GATB: variants seen among roughly 807,000 people sequenced by gnomAD.
The protein encoded by GATB is glutamyl-tRNA(Gln) amidotransferase subunit B, mitochondrial.
GATB carries 39 observed loss-of-function variants against 62.3 expected under a neutral mutation model. The observed-to-expected ratio is 0.63, with a 90% confidence interval of 0.48 to 0.82. GATB has a LOEUF of 0.82. GATB is among the 40% of genes least tolerant of loss of function. The pLI is 0.00. For missense variants in GATB, 670 were observed against 684.0 expected, an observed-to-expected ratio of 0.98 and a Z score of 0.23; for synonymous variants, 276 against 258.9, an observed-to-expected ratio of 1.07 and a Z score of -0.63.
At chr4:151,754,415 T>C (rs1276401244) in intron 2 of GATB, among the ~76,000 whole-genome samples, 1 of 152,182 alleles carries the variant, frequency 6.6e-6, no homozygotes, top group East Asian at 1.9e-4. Flanking sequence ...ACGACTAACA[T>C]GTTTATTAAA....
chr4:151,733,785 T>C (rs929428499), intron 2 of GATB, among the ~76,000 whole-genome samples: 8 of 152,158 alleles, frequency 5.3e-5, no homozygotes, highest in African/African-American at 1.7e-4. Context: ...GGATGCAGAA[T>C]TGGTTTAACA....
At chr4:151,708,619 G>A (rs1738761446) in intron 5 of GATB, among the ~76,000 whole-genome samples, 1 of 152,232 alleles carries the variant, frequency 6.6e-6, no homozygotes, top group Non-Finnish European at 1.5e-5. Flanking sequence ...TCAAGGGCAA[G>A]AACTGAAATC....
chr4:151,686,008 G>A (rs1362384409), intron 10 of GATB, among the ~76,000 whole-genome samples: 1 of 152,112 alleles, frequency 6.6e-6, no homozygotes, highest in Non-Finnish European at 1.5e-5. Context: ...GGCAGAGATT[G>A]TGCCACTGCA....
chr4:151,695,231 T>C (rs1396497663), intron 9 of GATB, among the ~76,000 whole-genome samples: 1 of 152,208 alleles, frequency 6.6e-6, no homozygotes, highest in Non-Finnish European at 1.5e-5. Flanking sequence ...CTTGGGAGTC[T>C]GCTTGGCTAT....
At chr4:151,731,996 C>T in intron 2 of GATB, among the ~76,000 whole-genome samples, 1 of 144,854 alleles carries the variant, frequency 6.9e-6, no homozygotes, top group South Asian at 2.1e-4. Flanking sequence ...CCGCCCCGTC[C>T]GGGAGGGAGG....
At chr4:151,698,717 T>G (rs1738537667) in intron 9 of GATB, among the ~76,000 whole-genome samples, 1 of 152,198 alleles carries the variant, frequency 6.6e-6, no homozygotes, top group Non-Finnish European at 1.5e-5. Context: ...TCTCTTTCCA[T>G]TCCTATCTCA....
At position 151,741,193 on chromosome 4, in the gene GATB, TAAC is replaced by T. The variant is rs529981637; in HGVS notation, c.327+17576_327+17578del. Among the ~76,000 whole-genome samples the T allele has an allele frequency of 2.1e-3, 315 of 152,196 alleles. 1 individual carries two copies. The highest frequency in any genetic ancestry group is 7.4e-3 in the African/African-American group (307 of 41,522). ...TTATAAATTATGCACAGCAAGAGATTAACAACAATAATAAAAAAGAACAATATA... is the reference window on the plus strand; with the variant it reads ...TTATAAATTATGCACAGCAAGAGATTAACAATAATAAAAAAGAACAATATA... On this transcript the variant is annotated intron_variant, in intron 2 of 12. Transcript: ENST00000263985.
intron 9 of GATB, among the ~76,000 whole-genome samples, chr4:151,691,127 T>C (rs1206014256): frequency 6.6e-6 from 1 of 152,150 alleles, no homozygotes. Flanking sequence ...AGAAAAACAG[T>C]GAGCTGGTAA....
chr4:151,692,889 G>T (rs1392655185), intron 9 of GATB, among the ~76,000 whole-genome samples: 1 of 152,222 alleles, frequency 6.6e-6, no homozygotes, highest in Non-Finnish European at 1.5e-5. Context: ...TGTGATGGGA[G>T]CTGCTGACTA....
At chr4:151,754,317 A>G (rs1739779541) in intron 2 of GATB, among the ~76,000 whole-genome samples, 1 of 152,128 alleles carries the variant, frequency 6.6e-6, no homozygotes, top group African/African-American at 2.4e-5. Context: ...TGTACATCCT[A>G]TTCACTTTCT....
chr4:151,717,225 C>T, intron 3 of GATB, 151 bp from the exon 4 acceptor site: 1 of 695,312 alleles, frequency 1.4e-6, no homozygotes, highest in Non-Finnish European at 2.4e-6. Context: ...AAATTAGTTG[C>T]TGCATTGCAG....
chr4:151,716,066 C>A lies in GATB; in HGVS notation c.706G>T (p.Val236Phe). Reference sequence around the variant, plus strand: ...TGAAGGATCAGCTGCAGCTCCCTGACAGCTGTTGCCGCCTCTTCTCCACAG... The same window carrying A: ...TGAAGGATCAGCTGCAGCTCCCTGAAAGCTGTTGCCGCCTCTTCTCCACAG... ...MSCGEEAATA[V>F]RELQLILQAL... Residue 236 changes from valine (V) to phenylalanine (F), a missense_variant, in exon 5 of 13, where the codon GTC becomes TTC. Physicochemically the swap from Val to Phe is conservative, Grantham distance 50. Coordinates refer to ENST00000263985, the MANE Select transcript of GATB (RefSeq NM_004564.3). 6.2e-7 allele frequency: 1 copy of A among 1,614,012 alleles called. No individual in the cohort carries two copies. The highest frequency in any genetic ancestry group is 1.7e-5 in the Admixed American group (1 of 60,012).
chr4:151,678,335 C>T (rs1037408983), intron 11 of GATB, among the ~76,000 whole-genome samples: 8 of 152,138 alleles, frequency 5.3e-5, no homozygotes, highest in Non-Finnish European at 1.0e-4. Flanking sequence ...TCTTATTCAC[C>T]GCACTAGGTA....
At chr4:151,705,498 T>C (rs1454782291) in intron 6 of GATB, among the ~76,000 whole-genome samples, 3 of 152,156 alleles carry the variant, frequency 2.0e-5, no homozygotes, top group Non-Finnish European at 2.9e-5. Context: ...GTTGAGACAA[T>C]TCAGGTTCAG....
chr4:151,733,092 C>A (rs1739301750), intron 2 of GATB, among the ~76,000 whole-genome samples: 1 of 151,916 alleles, frequency 6.6e-6, no homozygotes, highest in South Asian at 2.1e-4. Context: ...AAACCCAAAC[C>A]CAGCAGAAGA....
At chr4:151,755,199 CCA>C (rs1560868172) in intron 2 of GATB, among the ~76,000 whole-genome samples, 1 of 152,116 alleles carries the variant, frequency 6.6e-6, no homozygotes, top group Non-Finnish European at 1.5e-5. Context: ...TCAATTATCT[CCA>C]TTTTATAAGA....
intron 9 of GATB, among the ~76,000 whole-genome samples, chr4:151,697,951 G>GTATATATATATATA (rs1191034630): frequency 3.1e-4 from 9 of 28,628 alleles, no homozygotes; most frequent in African/African-American, 1.9e-3. Flanking sequence ...GTGTGTGTGT[G>GTATATATATATATA]TGTATATATA....
chr4:151,681,234 C>A (rs148538536), intron 10 of GATB, among the ~76,000 whole-genome samples: 1 of 152,136 alleles, frequency 6.6e-6, no homozygotes, highest in African/African-American at 2.4e-5. Flanking sequence ...GCAGTGAAAC[C>A]CTATTGGGGC....
chr4:151,697,983 A>ATATATATATATATATATATATATG (rs1738521510), intron 9 of GATB, among the ~76,000 whole-genome samples: 1 of 133,540 alleles, frequency 7.5e-6, no homozygotes, highest in African/African-American at 3.0e-5. Context: ...ATATATATAT[A>ATATATATATATATATATATATATG]TATATATATA....
Sources: allele counts gnomAD v4.1 joint callset (sites outside exome capture counted in the v4.1 genomes callset), GRCh38; gene constraint gnomAD v4.1.1; transcripts MANE v1.5; gene names NCBI Gene and HGNC (gene_info 2026-07-23, HGNC 2026-07-21).